RAB18: variants seen among roughly 807,000 people sequenced by gnomAD.
The protein encoded by RAB18 is ras-related protein Rab-18.
RAB18 carries 10 observed loss-of-function variants against 28.5 expected under a neutral mutation model. The ratio of observed to expected loss-of-function variants is 0.35; its 90% CI spans 0.22 to 0.60. The LOEUF is 0.60. Ranked by LOEUF, RAB18 falls within the 20% of genes least tolerant of loss-of-function variation. The pLI, the probability that RAB18 is intolerant of heterozygous loss-of-function variation, is 0.78. For synonymous variants in RAB18, 93 were observed against 86.9 expected (o/e 1.07, Z -0.39); for missense variants, 188 against 244.2 (o/e 0.77, Z 1.53).
At chr10:27,508,841 A>G (rs957986139) in intron 1 of RAB18, among the ~76,000 whole-genome samples, 1 of 152,220 alleles carries the variant, frequency 6.6e-6, no homozygotes, top group Non-Finnish European at 1.5e-5. Flanking sequence ...AAAGAGTCAT[A>G]AGATTTTTCT....
chr10:27,532,881 C>T (rs909891867), intron 4 of RAB18, among the ~76,000 whole-genome samples: 1 of 152,034 alleles, frequency 6.6e-6, no homozygotes, highest in African/African-American at 2.4e-5. Flanking sequence ...AACTGGGCTT[C>T]TGTTATCAGC....
chr10:27,512,775 A>G (rs1467521958), intron 2 of RAB18, among the ~76,000 whole-genome samples: 1 of 152,168 alleles, frequency 6.6e-6, no homozygotes, highest in Admixed American at 6.5e-5. Flanking sequence ...GAACATACAT[A>G]TAATATTAAC....
intron 1 of RAB18, among the ~76,000 whole-genome samples, chr10:27,507,602 T>C (rs575533112): frequency 6.6e-6 from 1 of 152,036 alleles, no homozygotes; most frequent in South Asian, 2.1e-4. Context: ...GCAGATTAGT[T>C]ATAATCACAC....
At chr10:27,514,619 T>C (rs765376403) in intron 2 of RAB18, among the ~76,000 whole-genome samples, 25 of 151,922 alleles carry the variant, frequency 1.6e-4, no homozygotes, top group Non-Finnish European at 2.8e-4. Flanking sequence ...ATGATAGATA[T>C]GGAAATCAGA....
At chr10:27,528,992 T>C (rs1311032881) in intron 3 of RAB18, among the ~76,000 whole-genome samples, 1 of 152,078 alleles carries the variant, frequency 6.6e-6, no homozygotes, top group African/African-American at 2.4e-5. Context: ...TCTTTTTACA[T>C]ATTTTACCCA....
chr10:27,523,483 C>T (rs192939166), intron 2 of RAB18, among the ~76,000 whole-genome samples: 19 of 151,830 alleles, frequency 1.3e-4, no homozygotes, highest in African/African-American at 4.6e-4. Context: ...TGAACCTTTT[C>T]TTTCTGCTTC....
At chr10:27,523,994 G>T (rs1028289365) in intron 2 of RAB18, among the ~76,000 whole-genome samples, 1 of 151,802 alleles carries the variant, frequency 6.6e-6, no homozygotes, top group African/African-American at 2.4e-5. Context: ...CAGCAGAATG[G>T]CATGAACCTG....
intron 4 of RAB18, among the ~76,000 whole-genome samples, chr10:27,533,074 C>G (rs544086103): frequency 3.9e-4 from 59 of 151,932 alleles, no homozygotes; most frequent in African/African-American, 1.4e-3. Flanking sequence ...CTTGATATTC[C>G]TGGGAAACTG....
intron 2 of RAB18, among the ~76,000 whole-genome samples, chr10:27,526,116 T>C (rs1032932194): frequency 6.6e-6 from 1 of 152,196 alleles, no homozygotes; most frequent in Non-Finnish European, 1.5e-5. Flanking sequence ...TGTGGACTTC[T>C]TATGAAACTC....
intron 1 of RAB18, 71 bp downstream of exon 1, chr10:27,504,508 G>C: frequency 6.7e-7 from 1 of 1,497,836 alleles, no homozygotes; most frequent in Non-Finnish European, 9.1e-7. Flanking sequence ...TGTCTCCTGG[G>C]CCGCGACGGG....
chr10:27,528,271 G>C, intron 3 of RAB18: 1 of 485,920 alleles, frequency 2.1e-6, no homozygotes, highest in Non-Finnish European at 4.1e-6. Context: ...AGGTATTATT[G>C]AAGAGACATT....
chr10:27,523,607 T>G (rs1834611256), intron 2 of RAB18, among the ~76,000 whole-genome samples: 1 of 151,198 alleles, frequency 6.6e-6, no homozygotes, highest in Non-Finnish European at 1.5e-5. Flanking sequence ...ATTGCCATTT[T>G]TACCTTTTTT....
chr10:27,527,959 GTT>G (rs1475710692), intron 3 of RAB18, among the ~76,000 whole-genome samples: 1 of 152,030 alleles, frequency 6.6e-6, no homozygotes, highest in Non-Finnish European at 1.5e-5. Context: ...CCCCAAATAT[GTT>G]TAATATCAAT....
chr10:27,504,859 G>A (rs72629759), intron 1 of RAB18: 17,614 of 465,326 alleles, frequency 0.038, 1,590 homozygotes, highest in East Asian at 0.32. Flanking sequence ...TCCCACTTGA[G>A]GGTTTCTGTG....
intron 3 of RAB18, chr10:27,531,598 T>C: frequency 9.7e-7 from 1 of 1,034,622 alleles, no homozygotes; most frequent in Non-Finnish European, 1.5e-6. Flanking sequence ...AATCCTGAAG[T>C]GGGCCATGTG....
intron 2 of RAB18, among the ~76,000 whole-genome samples, chr10:27,522,507 A>G (rs762604073): frequency 4.6e-5 from 7 of 152,166 alleles, no homozygotes; most frequent in South Asian, 4.1e-4. Flanking sequence ...TATTCTGCCA[A>G]TCTTTTGATA....
chr10:27,533,778 T>C lies in RAB18; in HGVS notation c.303T>C (p.Asn101=). 1 of 1,613,708 alleles carries C rather than the reference T, an allele frequency of 6.2e-7. No individual in the cohort carries two copies. The highest frequency in any genetic ancestry group is 8.5e-7 in the Non-Finnish European group (1 of 1,179,798). The change falls in exon 5 of 7, where the codon AAT becomes AAC. Residue 101 remains asparagine, a synonymous_variant. Transcript: ENST00000356940. ...GAGATACATTTGTTAAACTGGATAA[T>C]TGGTTAAATGAATTGGAAACATACT... ...TRRDTFVKLD[N]WLNELETYCT...
chr10:27,529,907 A>T (rs1369379629), intron 3 of RAB18, among the ~76,000 whole-genome samples: 1 of 152,026 alleles, frequency 6.6e-6, no homozygotes, highest in East Asian at 1.9e-4. Flanking sequence ...GCCTCTAAAC[A>T]TCTGGCCTAA....
intron 1 of RAB18, among the ~76,000 whole-genome samples, chr10:27,506,903 C>G (rs952249281): frequency 6.6e-6 from 1 of 151,828 alleles, no homozygotes; most frequent in African/African-American, 2.4e-5. Context: ...ATCAACTGCT[C>G]GATGCAGGAT....
Sources: allele counts gnomAD v4.1 joint callset (sites outside exome capture counted in the v4.1 genomes callset), GRCh38; gene constraint gnomAD v4.1.1; transcripts MANE v1.5; gene names NCBI Gene and HGNC (gene_info 2026-07-23, HGNC 2026-07-21).